The following GRM8 variants were observed in gnomAD, a reference collection of about 807,000 sequenced individuals.
GRM8 encodes the protein glutamate metabotropic receptor 8, also known as metabotropic glutamate receptor 8.
In GRM8, 47 loss-of-function variants were observed where a neutral mutation model predicts 87.2. The observed-to-expected ratio is 0.54, with a 90% confidence interval of 0.43 to 0.69. The LOEUF is 0.69. Among genes scored for constraint, GRM8 ranks in the 30% least tolerant of loss-of-function variants. The pLI is 0.00. For missense variants in GRM8, 1,019 were observed against 1,139.2 expected (o/e 0.89, Z 1.52); for synonymous variants, 396 against 404.5 (o/e 0.98, Z 0.25).
At chr7:126,453,718 T>C (rs1563022732) in intron 9 of GRM8, among the ~76,000 whole-genome samples, 2 of 151,848 alleles carry the variant, frequency 1.3e-5, no homozygotes, top group East Asian at 1.9e-4. Context: ...TATTAAAGCC[T>C]GATGGAAAAT....
chr7:127,006,076 T>C (rs1814263558), intron 3 of GRM8, among the ~76,000 whole-genome samples: 2 of 151,894 alleles, frequency 1.3e-5, no homozygotes, highest in African/African-American at 2.4e-5. Flanking sequence ...CCTTGACTTC[T>C]GTTTAACTGA....
chr7:127,122,931 T>C (rs1283738653), intron 2 of GRM8, among the ~76,000 whole-genome samples: 1 of 151,912 alleles, frequency 6.6e-6, no homozygotes, highest in Non-Finnish European at 1.5e-5. Flanking sequence ...GGTAAGGGGA[T>C]GAGTGGAGAA....
intron 3 of GRM8, among the ~76,000 whole-genome samples, chr7:127,048,762 T>C (rs1173165544): frequency 6.6e-6 from 1 of 152,240 alleles, no homozygotes; most frequent in Non-Finnish European, 1.5e-5. Context: ...AAATGCTTCA[T>C]AAACTATTTA....
chr7:126,620,979 G>A (rs1162366390), intron 7 of GRM8, among the ~76,000 whole-genome samples: 1 of 151,734 alleles, frequency 6.6e-6, no homozygotes, highest in Non-Finnish European at 1.5e-5. Context: ...CTAAACTATT[G>A]GAAAAGCAGG....
chr7:126,799,375 T>C (rs1822381284), intron 6 of GRM8, among the ~76,000 whole-genome samples: 1 of 152,074 alleles, frequency 6.6e-6, no homozygotes, highest in African/African-American at 2.4e-5. Context: ...AGATGGCAAA[T>C]ACCAATCAGT....
chr7:127,045,451 G>A (rs555049682), intron 3 of GRM8, among the ~76,000 whole-genome samples: 12 of 151,700 alleles, frequency 7.9e-5, no homozygotes, highest in East Asian at 3.9e-4. Flanking sequence ...AGTCTAATCC[G>A]TTATTTTTTC....
Position 126,855,652 on chromosome 7 carries a change from T to G in GRM8, c.1156+46890A>C, listed in dbSNP as rs183739616. 7.3e-3 allele frequency among the ~76,000 whole-genome samples: 1,112 copies of G among 152,174 alleles called. 11 individuals are homozygous for G. Among genetic ancestry groups the G allele is most frequent in the African/African-American group, 0.025 (1,037 of 41,508 alleles). ...CAGCATGCCTGGCTAATTTTTGTAT[T>G]TTTAGTAGATATTGGGTTTCACCGT... On this transcript the variant is annotated intron_variant, in intron 6 of 10. Coordinates refer to ENST00000339582, the MANE Select transcript of GRM8 (RefSeq NM_000845.3).
Position 126,729,110 on chromosome 7 carries a change from C to T in GRM8, c.1357+40755G>A, listed in dbSNP as rs762282483. The stretch of plus-strand genomic sequence containing the variant: ...ATCATAGTGATTAAAGACCTGATTC[C>T]GTCCCCTCCCACCTGTATGAAGTTC... On this transcript the variant is annotated intron_variant, in intron 7 of 10. Coordinates refer to ENST00000339582, the MANE Select transcript of GRM8 (RefSeq NM_000845.3). 3.9e-5 allele frequency among the ~76,000 whole-genome samples: 6 copies of T among 152,264 alleles called. 1 individual carries two copies. The highest frequency in any genetic ancestry group is 2.0e-4 in the Admixed American group (3 of 15,294).
intron 2 of GRM8, among the ~76,000 whole-genome samples, chr7:127,150,040 A>G (rs1453900204): frequency 1.3e-5 from 2 of 152,096 alleles, no homozygotes; most frequent in Non-Finnish European, 2.9e-5. Context: ...ACAAAAACAA[A>G]GGGTAACTAT....
At position 126,987,440 on chromosome 7, in the gene GRM8, T is replaced by C. The variant is rs17867462; in HGVS notation, c.728-82757A>G. Among the ~76,000 whole-genome samples the C allele has an allele frequency of 2.3e-5, 3 of 132,288 alleles. No individual in the cohort carries two copies. In the East Asian group the frequency reaches 8.1e-4, roughly 36 times the overall value. 86.8% of individuals were successfully genotyped at this position (132,288 alleles called of 152,430 possible). A position where few individuals can be genotyped will look rare whatever the true frequency, so the allele number is the denominator to read the frequency against. Reference sequence around the variant, plus strand: ...TTTAAGGACAAGAAGCATATCTTGTTCACAGTTTTTTTTTTTGTTTTTTGT... The same window carrying C: ...TTTAAGGACAAGAAGCATATCTTGTCCACAGTTTTTTTTTTTGTTTTTTGT... On this transcript the variant is annotated intron_variant, in intron 3 of 10. Coordinates refer to ENST00000339582, the MANE Select transcript of GRM8 (RefSeq NM_000845.3).
intron 3 of GRM8, among the ~76,000 whole-genome samples, chr7:126,929,146 A>G (rs78698028): frequency 0.011 from 1,615 of 152,350 alleles, 24 homozygotes; most frequent in African/African-American, 0.037. Context: ...AAGCAAGAAG[A>G]CCAAGGGGAA....
intron 9 of GRM8, among the ~76,000 whole-genome samples, chr7:126,522,809 C>T (rs1422700770): frequency 1.3e-5 from 2 of 152,142 alleles, no homozygotes; most frequent in African/African-American, 4.8e-5. Context: ...TCCCTGGTCC[C>T]AAGACGTCAT....
chr7:126,833,986 T>G (rs1017021775), intron 6 of GRM8, among the ~76,000 whole-genome samples: 9 of 152,160 alleles, frequency 5.9e-5, no homozygotes, highest in African/African-American at 2.2e-4. Flanking sequence ...CTGGCTTAGC[T>G]TCAAGCAGAA....
At chr7:126,582,508 A>T (rs1671088305) in intron 8 of GRM8, among the ~76,000 whole-genome samples, 1 of 152,186 alleles carries the variant, frequency 6.6e-6, no homozygotes, top group African/African-American at 2.4e-5. Flanking sequence ...TCTAGATAAG[A>T]TAATGAATGA....
intron 2 of GRM8, among the ~76,000 whole-genome samples, chr7:127,240,195 C>A (rs1033703741): frequency 2.0e-5 from 3 of 152,146 alleles, no homozygotes; most frequent in Admixed American, 2.0e-4. Context: ...ATTAAGAGAA[C>A]TAACCAGTCA....
intron 2 of GRM8, among the ~76,000 whole-genome samples, chr7:127,138,779 C>T (rs1291603815): frequency 6.6e-6 from 1 of 151,934 alleles, no homozygotes; most frequent in Non-Finnish European, 1.5e-5. Context: ...TGAAGAGTAC[C>T]CAAAAGCACA....
At chr7:126,526,753 T>C (rs1335257121) in intron 9 of GRM8, among the ~76,000 whole-genome samples, 1 of 152,156 alleles carries the variant, frequency 6.6e-6, no homozygotes, top group African/African-American at 2.4e-5. Flanking sequence ...AAACAAAAAC[T>C]TATATAAGGC....
At chr7:127,070,870 T>A (rs576722966) in intron 3 of GRM8, among the ~76,000 whole-genome samples, 1 of 152,184 alleles carries the variant, frequency 6.6e-6, no homozygotes, top group Non-Finnish European at 1.5e-5. Flanking sequence ...TCTCTAGCCA[T>A]TAAACTAGGT....
chr7:127,189,908 A>C (rs1219886089), intron 2 of GRM8, among the ~76,000 whole-genome samples: 1 of 152,248 alleles, frequency 6.6e-6, no homozygotes, highest in Non-Finnish European at 1.5e-5. Context: ...CCGCAAAACT[A>C]ATGTATCAGA....
Sources: gnomAD v4.1 joint callset for allele counts (sites outside exome capture counted in the v4.1 genomes callset) on GRCh38, gnomAD v4.1.1 for gene constraint, MANE v1.5 for transcripts, NCBI Gene and HGNC (gene_info 2026-07-23, HGNC 2026-07-21) for gene names.